The following MINDY2 variants were observed in gnomAD, a reference collection of about 807,000 sequenced individuals.
MINDY2 encodes the protein ubiquitin carboxyl-terminal hydrolase MINDY-2.
Under a neutral mutation model 68.2 loss-of-function variants are expected in MINDY2, and 52 were observed. The observed-to-expected ratio is 0.76, with a 90% CI of 0.61 to 0.96. The LOEUF is 0.96. MINDY2 is among the 40% of genes least tolerant of loss of function. The pLI is 0.00. For synonymous variants in MINDY2, 372 were observed against 303.0 expected (o/e 1.23, Z -2.36); for missense variants, 881 against 773.4 (o/e 1.14, Z -1.65).
chr15:58,821,515 G>A (rs1202932208), intron 4 of MINDY2, among the ~76,000 whole-genome samples: 25 of 152,074 alleles, frequency 1.6e-4, no homozygotes, highest in Non-Finnish European at 1.5e-5. Context: ...TACAACTGCA[G>A]TATTTTTCAT....
intron 3 of MINDY2, among the ~76,000 whole-genome samples, chr15:58,809,554 A>G (rs997571817): frequency 2.6e-5 from 4 of 152,190 alleles, no homozygotes; most frequent in African/African-American, 9.7e-5. Flanking sequence ...TCAAGATCCT[A>G]CTTTCAGTTA....
At chr15:58,835,470 T>A (rs1181854540) in intron 6 of MINDY2, among the ~76,000 whole-genome samples, 1 of 152,092 alleles carries the variant, frequency 6.6e-6, no homozygotes, top group Non-Finnish European at 1.5e-5. Context: ...CTGGCCAACA[T>A]GGTGAAACCC....
At position 58,856,788 on chromosome 15, in the gene MINDY2, G is replaced by C. The variant is rs1301394257; in HGVS notation, c.*2178G>C. ...ATATTTGAATAAGAAAAACAAACCAGTATACCTTGAGAAATTTTAAAAAGC... is the reference window on the plus strand; with the variant it reads ...ATATTTGAATAAGAAAAACAAACCACTATACCTTGAGAAATTTTAAAAAGC... On this transcript the variant is annotated 3_prime_UTR_variant, in exon 9 of 9. Transcript: ENST00000559228. 2 of 152,186 alleles carry C rather than the reference G, an allele frequency of 1.3e-5. No individual in the cohort carries two copies. The highest frequency in any genetic ancestry group is 1.5e-5 in the Non-Finnish European group (1 of 68,026). 9.4% of individuals were successfully genotyped at this position (152,186 alleles called of 1,614,324 possible). A position where few individuals can be genotyped will look rare whatever the true frequency, so the allele number is the denominator to read the frequency against.
chr15:58,843,269 C>A (rs1312857353), intron 6 of MINDY2, among the ~76,000 whole-genome samples: 2 of 152,130 alleles, frequency 1.3e-5, no homozygotes, highest in Non-Finnish European at 2.9e-5. Context: ...TCTGCCTCAG[C>A]CTCCTGAGTA....
intron 4 of MINDY2, chr15:58,815,160 T>C (rs146913358): frequency 1.3e-5 from 2 of 152,306 alleles, no homozygotes; most frequent in Non-Finnish European, 2.9e-5. Context: ...TTCATATACA[T>C]GTAGATAGCC....
intron 7 of MINDY2, among the ~76,000 whole-genome samples, chr15:58,848,365 C>G (rs2032639903): frequency 6.6e-6 from 1 of 152,092 alleles, no homozygotes; most frequent in Non-Finnish European, 1.5e-5. Flanking sequence ...AAAGATGCAG[C>G]CTAGTAGGGA....
chr15:58,789,060 G>A lies in MINDY2; in HGVS notation c.898+1097G>A, dbSNP rs537580425. On this transcript the variant is annotated intron_variant, in intron 2 of 8. Transcript: ENST00000559228. Reference sequence around the variant, plus strand: ...TTAAAAAATCTTGTCAACTGGGGCCGGGCACGGTGGCTCACGCCTGTAATC... The same window carrying A: ...TTAAAAAATCTTGTCAACTGGGGCCAGGCACGGTGGCTCACGCCTGTAATC... 6.8e-4 allele frequency among the ~76,000 whole-genome samples: 95 copies of A among 140,378 alleles called. 1 individual carries two copies. The highest frequency in any genetic ancestry group is 2.4e-3 in the African/African-American group (89 of 37,582). 92.1% of individuals were successfully genotyped at this position (140,378 alleles called of 152,430 possible). A position where few individuals can be genotyped will look rare whatever the true frequency, so the allele number is the denominator to read the frequency against.
chr15:58,826,221 C>G (rs1203200632), intron 5 of MINDY2, among the ~76,000 whole-genome samples: 1 of 138,424 alleles, frequency 7.2e-6, no homozygotes, highest in Non-Finnish European at 1.5e-5. Context: ...TGTATTCACA[C>G]AATCTTTTTT....
chr15:58,842,531 A>G (rs1249242930), intron 6 of MINDY2, among the ~76,000 whole-genome samples: 4 of 152,194 alleles, frequency 2.6e-5, no homozygotes, highest in African/African-American at 9.7e-5. Context: ...TATATCAAAA[A>G]TTGTCACTTT....
intron 2 of MINDY2, chr15:58,796,208 T>A (rs752385343): frequency 5.1e-5 from 23 of 450,374 alleles, no homozygotes; most frequent in East Asian, 2.8e-4. Flanking sequence ...ATGTGACTTG[T>A]ATCCGGCTTT....
intron 1 of MINDY2, among the ~76,000 whole-genome samples, chr15:58,786,751 C>T (rs1901529208): frequency 6.6e-6 from 1 of 152,208 alleles, no homozygotes; most frequent in Non-Finnish European, 1.5e-5. Context: ...TTAAAAGCCC[C>T]TTTCCAACTA....
chr15:58,802,215 A>T, intron 2 of MINDY2, 98 bp from the exon 3 acceptor site: 1 of 766,370 alleles, frequency 1.3e-6, no homozygotes, highest in Non-Finnish European at 2.1e-6. Context: ...AACTATAGCT[A>T]CAGTGTTTTA....
At chr15:58,772,356 A>G (rs1900489329) in intron 1 of MINDY2, 121 bp downstream of exon 1, 7 of 1,417,306 alleles carry the variant, frequency 4.9e-6, no homozygotes, top group South Asian at 4.0e-5. Context: ...CCCTTCTTAC[A>G]TGAAATTCAT....
Position 58,847,304 on chromosome 15 carries a change from T to G in MINDY2, c.1376T>G (p.Leu459Arg), listed in dbSNP as rs1280291998. The G allele has an allele frequency of 6.4e-7, 1 of 1,569,708 alleles. No individual in the cohort carries two copies. The highest frequency in any genetic ancestry group is 1.7e-5 in the Admixed American group (1 of 58,170). Residue 459 changes from leucine (L) to arginine (R), a missense_variant, in exon 7 of 9, where the codon CTG becomes CGG. Coordinates refer to ENST00000559228, the MANE Select transcript of MINDY2 (RefSeq NM_001040450.3). ...FSTMTKYKGQLYLLVTDQGFL... is the reference protein window; with the variant it reads ...FSTMTKYKGQRYLLVTDQGFL... ...TTGTTACTTCTTATTAAGGGTCAAC[T>G]GTATTTGTTGGTAACGGACCAGGGG...
Position 58,772,059 on chromosome 15 carries a change from G to A in MINDY2, c.664G>A (p.Glu222Lys). Residue 222 changes from glutamate to lysine, a missense_variant, in exon 1 of 9, where the codon GAG becomes AAG. Coordinates refer to ENST00000559228, the MANE Select transcript of MINDY2 (RefSeq NM_001040450.3). ...GGCTGTTCCTCTGTGCAAGGAGGAG[G>A]AGGGGGAGGAGACCGCTCAGGTGCT... is the stretch of plus-strand genomic sequence containing the variant. ...PGAVPLCKEE[E>K]GEETAQVLAA... 2 of 1,611,276 alleles carry A rather than the reference G, an allele frequency of 1.2e-6. No individual in the cohort carries two copies. Among genetic ancestry groups the A allele is most frequent in the South Asian group, 1.1e-5 (1 of 90,734 alleles).
chr15:58,795,122 A>G (rs1316930882), intron 2 of MINDY2, among the ~76,000 whole-genome samples: 3 of 151,912 alleles, frequency 2.0e-5, no homozygotes, highest in Middle Eastern at 3.4e-3. Context: ...CTTGCAGTGT[A>G]CCGAGATCGC....
At chr15:58,828,944 C>G (rs2031568470) in intron 5 of MINDY2, among the ~76,000 whole-genome samples, 1 of 152,038 alleles carries the variant, frequency 6.6e-6, no homozygotes, top group Non-Finnish European at 1.5e-5. Context: ...ATGAATAATA[C>G]TCTATTATCA....
At chr15:58,798,689 C>A (rs1196398741) in intron 2 of MINDY2, among the ~76,000 whole-genome samples, 2 of 152,128 alleles carry the variant, frequency 1.3e-5, no homozygotes, top group African/African-American at 4.8e-5. Context: ...CTCCTGACTT[C>A]AGGTGATCCG....
intron 6 of MINDY2, 127 bp downstream of exon 6, chr15:58,832,043 G>A: frequency 1.2e-6 from 1 of 808,758 alleles, no homozygotes; most frequent in South Asian, 2.3e-5. Flanking sequence ...AATTATGAAG[G>A]TAATTATTAA....
Sources: allele counts gnomAD v4.1 joint callset (sites outside exome capture counted in the v4.1 genomes callset), GRCh38; gene constraint gnomAD v4.1.1; transcripts MANE v1.5; gene names NCBI Gene and HGNC (gene_info 2026-07-23, HGNC 2026-07-21).